Variants in RAB3A observed in about 807,000 individuals in gnomAD.
RAB3A encodes ras-related protein Rab-3A.
In RAB3A, 5 loss-of-function variants were observed where a neutral mutation model predicts 19.7. That is an observed-to-expected ratio of 0.25 (90% CI 0.13 to 0.53). The LOEUF (loss-of-function observed/expected upper bound fraction) is 0.53, where lower values mean the gene tolerates loss of function less well. Among genes scored for constraint, RAB3A ranks in the 20% least tolerant of loss-of-function variants. The pLI, the probability that RAB3A is intolerant of heterozygous loss-of-function variation, is 0.95. For missense variants in RAB3A, 189 were observed against 305.6 expected (o/e 0.62, Z 2.85); for synonymous variants, 119 against 122.1 (o/e 0.97, Z 0.17).
chr19:18,203,518 A>AC (rs1293806263), intron 1 of RAB3A, among the ~76,000 whole-genome samples: 2 of 151,404 alleles, frequency 1.3e-5, no homozygotes, highest in Non-Finnish European at 2.9e-5. Flanking sequence ...TTAGGCCCAG[A>AC]CCCCCACGGC....
chr19:18,203,147 G>C (rs1308854527), intron 1 of RAB3A, among the ~76,000 whole-genome samples: 2 of 152,176 alleles, frequency 1.3e-5, no homozygotes, highest in Admixed American at 1.3e-4. Context: ...TCGAGGACGC[G>C]CATCTGCAGC....
chr19:18,198,834 C>T lies in RAB3A; in HGVS notation c.363G>A (p.Lys121=). The T allele has an allele frequency of 6.2e-7, 1 of 1,614,058 alleles. No individual in the cohort carries two copies. The highest frequency in any genetic ancestry group is 8.5e-7 in the Non-Finnish European group (1 of 1,180,000). Residue 121 remains lysine (K), a synonymous_variant, in exon 4 of 5, where the codon AAG becomes AAA. Transcript: ENST00000222256. The part of the protein sequence containing the change: ...NAVQDWSTQI[K]TYSWDNAQVL... The stretch of plus-strand genomic sequence containing the variant: ...CCTGGGCATTGTCCCATGAGTAGGT[C>T]TTGATCTGGGTGGACCTATAGGAGG...
chr19:18,198,671 C>G, intron 4 of RAB3A, 54 bp downstream of exon 4: 1 of 1,607,406 alleles, frequency 6.2e-7, no homozygotes, highest in South Asian at 1.1e-5. Context: ...GCCCTCCCCT[C>G]TCTTAGTGTC....
intron 2 of RAB3A, 116 bp from the exon 3 acceptor site, chr19:18,200,561 G>T (rs1467096334): frequency 3.7e-6 from 3 of 810,198 alleles, no homozygotes; most frequent in Non-Finnish European, 5.9e-6. Context: ...TTGCCCAGGG[G>T]CACAAAGTGT....
intron 2 of RAB3A, among the ~76,000 whole-genome samples, chr19:18,201,347 C>G (rs757729894): frequency 1.1e-4 from 17 of 151,620 alleles, no homozygotes; most frequent in Non-Finnish European, 2.2e-4. Context: ...CTTGGGAGGC[C>G]AAGACAGGTG....
chr19:18,199,842 G>C (rs1967584039), intron 3 of RAB3A, among the ~76,000 whole-genome samples: 1 of 152,052 alleles, frequency 6.6e-6, no homozygotes, highest in South Asian at 2.1e-4. Flanking sequence ...TCTCCTTATA[G>C]TCTCTATATT....
Position 18,202,472 on chromosome 19 carries a change from A to G in RAB3A, c.228+41T>C. The G allele has an allele frequency of 1.3e-6, 2 of 1,576,084 alleles. No homozygotes were observed. Among genetic ancestry groups the G allele is most frequent in the East Asian group, 4.5e-5 (2 of 44,540 alleles). On this transcript the variant is annotated intron_variant, in intron 2 of 4. Transcript: ENST00000222256. This position sits in a 1 kb window ranked among gnomAD's most constrained non-coding sequence, Gnocchi z 4.2. ...TGGGGCTGCTTTTCCAAGTACGGGA[A>G]TCCAACCGAGCCGGGCGGGAGCCCT... is the stretch of plus-strand genomic sequence containing the variant.
At chr19:18,200,016 C>T (rs771330227) in intron 3 of RAB3A, among the ~76,000 whole-genome samples, 8 of 152,176 alleles carry the variant, frequency 5.3e-5, no homozygotes, top group Admixed American at 2.0e-4. Flanking sequence ...AGCGATGGCT[C>T]ACGCCTGTAA....
chr19:18,201,170 G>A (rs943860604), intron 2 of RAB3A, among the ~76,000 whole-genome samples: 7 of 151,310 alleles, frequency 4.6e-5, no homozygotes, highest in Non-Finnish European at 8.8e-5. Flanking sequence ...AGGAGACAGA[G>A]GTTGCAGTGA....
intron 4 of RAB3A, among the ~76,000 whole-genome samples, chr19:18,198,226 C>G (rs1316120002): frequency 6.6e-6 from 1 of 152,164 alleles, no homozygotes; most frequent in Non-Finnish European, 1.5e-5. Flanking sequence ...GAGTCCCAGC[C>G]TCTCAGCACA....
At chr19:18,198,603 A>C (rs1967566987) in intron 4 of RAB3A, 122 bp downstream of exon 4, 8 of 1,277,820 alleles carry the variant, frequency 6.3e-6, no homozygotes, top group African/African-American at 3.0e-5. Flanking sequence ...TCCTGGATGA[A>C]GGCTAGTTTG....
chr19:18,202,485 G>T lies in RAB3A; in HGVS notation c.228+28C>A. The T allele has an allele frequency of 6.2e-7, 1 of 1,601,044 alleles. No homozygotes were observed. Among genetic ancestry groups the T allele is most frequent in the Middle Eastern group, 1.7e-4 (1 of 6,042 alleles). On this transcript the variant is annotated intron_variant, in intron 2 of 4. Transcript: ENST00000222256. The surrounding 1 kb of genome is among the most constrained non-coding windows in gnomAD (Gnocchi z 4.2). ...CCAAGTACGGGAATCCAACCGAGCCGGGCGGGAGCCCTCCAGCTGGGACCC... is the reference window on the plus strand; with the variant it reads ...CCAAGTACGGGAATCCAACCGAGCCTGGCGGGAGCCCTCCAGCTGGGACCC...
At chr19:18,199,193 G>A (rs765261631) in intron 3 of RAB3A, among the ~76,000 whole-genome samples, 14 of 151,986 alleles carry the variant, frequency 9.2e-5, no homozygotes, top group Admixed American at 1.3e-4. Flanking sequence ...GTCTTGCTCT[G>A]TCGCCCAGGC....
At chr19:18,200,838 G>T (rs1361351289) in intron 2 of RAB3A, among the ~76,000 whole-genome samples, 1 of 152,158 alleles carries the variant, frequency 6.6e-6, no homozygotes, top group African/African-American at 2.4e-5. Flanking sequence ...AGGAGGCTCA[G>T]GTGAGAGGGT....
At chr19:18,197,966 C>A (rs970903048) in intron 4 of RAB3A, among the ~76,000 whole-genome samples, 8 of 149,158 alleles carry the variant, frequency 5.4e-5, no homozygotes, top group African/African-American at 2.0e-4. Flanking sequence ...GCAGTCTCGA[C>A]CTCCTGGGCT....
chr19:18,200,247 C>T, intron 3 of RAB3A, 80 bp downstream of exon 3: 1 of 1,218,904 alleles, frequency 8.2e-7, no homozygotes, highest in South Asian at 1.4e-5. Flanking sequence ...CGTGCCACTG[C>T]ACTCCAGCCT....
In RAB3A at chr19:18,202,933, G is replaced by A; in HGVS notation, c.1-193C>T. ...AGCCTGTGACCTTGAAATCCTGGGC[G>A]TTTCAGAGGAGGGGCTCAGAGGGTT... On this transcript the variant is annotated intron_variant, in intron 1 of 4. Transcript: ENST00000222256. This position sits in a 1 kb window ranked among gnomAD's most constrained non-coding sequence, Gnocchi z 4.2. The A allele has an allele frequency of 3.5e-6, 2 of 570,462 alleles. No individual in the cohort carries two copies. The highest frequency in any genetic ancestry group is 3.0e-5 in the East Asian group (1 of 33,664). The allele number at this position is 570,462 out of a possible 1,614,324, so 35.3% of individuals were successfully genotyped here.
intron 1 of RAB3A, among the ~76,000 whole-genome samples, chr19:18,203,068 C>T (rs1014697060): frequency 6.6e-6 from 1 of 152,178 alleles, no homozygotes; most frequent in African/African-American, 2.4e-5. Context: ...CTGGCTCCGC[C>T]CCCCATCAAT....
intron 2 of RAB3A, among the ~76,000 whole-genome samples, 168 bp from the exon 3 acceptor site, chr19:18,200,613 G>A (rs1967595202): frequency 1.3e-5 from 2 of 152,116 alleles, no homozygotes; most frequent in African/African-American, 4.8e-5. Flanking sequence ...GAATATATGA[G>A]TGCTCCATTA....
Sources: allele counts gnomAD v4.1 joint callset (sites outside exome capture counted in the v4.1 genomes callset), GRCh38; gene constraint gnomAD v4.1.1; non-coding constraint Gnocchi (gnomAD v3.1); transcripts MANE v1.5; gene names NCBI Gene and HGNC (gene_info 2026-07-23, HGNC 2026-07-21).